Variants in HP1BP3 observed in about 807,000 individuals in gnomAD.
HP1BP3 encodes the protein heterochromatin protein 1-binding protein 3.
Under a neutral mutation model 62.5 loss-of-function variants are expected in HP1BP3, and 12 were observed. The observed-to-expected ratio is 0.19, with a 90% CI of 0.12 to 0.31. The LOEUF is 0.31. Among genes scored for constraint, HP1BP3 ranks in the 10% least tolerant of loss-of-function variants. The pLI is 1.00. For missense variants in HP1BP3, 502 were observed against 651.8 expected (o/e 0.77, Z 2.50); for synonymous variants, 260 against 237.8 (o/e 1.09, Z -0.86).
chr1:20,759,880 A>ATTTT (rs71014104), intron 8 of HP1BP3, among the ~76,000 whole-genome samples: 3,561 of 112,974 alleles, frequency 0.032, 308 homozygotes, highest in African/African-American at 0.11. Flanking sequence ...TTAAAGACCG[A>ATTTT]TTTTTTTTTT....
intron 8 of HP1BP3, among the ~76,000 whole-genome samples, chr1:20,757,544 C>T (rs2056197405): frequency 6.6e-6 from 1 of 151,794 alleles, no homozygotes; most frequent in African/African-American, 2.4e-5. Context: ...GCTAATTTTG[C>T]ATTTTTAGTA....
chr1:20,777,155 A>G (rs2057338837), intron 3 of HP1BP3, among the ~76,000 whole-genome samples: 1 of 152,144 alleles, frequency 6.6e-6, no homozygotes, highest in Admixed American at 6.6e-5. Flanking sequence ...CAAGAGTAGA[A>G]ATATGAGGGG....
At chr1:20,749,954 T>C (rs1456553845) in intron 9 of HP1BP3, 72 bp from the exon 10 acceptor site, 1 of 1,543,448 alleles carries the variant, frequency 6.5e-7, no homozygotes, top group Admixed American at 2.1e-5. Flanking sequence ...AAGACTCCTC[T>C]GCACCAGGTG....
At chr1:20,773,767 T>C in intron 4 of HP1BP3, 157 bp from the exon 5 acceptor site, 3 of 471,608 alleles carry the variant, frequency 6.4e-6, no homozygotes. Context: ...ACAAAATAAA[T>C]CTTCTTTAAA....
rs546916463 is a variant in HP1BP3, at chr1:20,757,560, G to A, written c.891-304C>T. Among the ~76,000 whole-genome samples the A allele has an allele frequency of 5.3e-5, 8 of 151,938 alleles. No individual in the cohort carries two copies. In the South Asian group the frequency reaches 1.0e-3, roughly 20 times the overall value. On this transcript the variant is annotated intron_variant, in intron 8 of 12. Coordinates refer to ENST00000438032, the MANE Select transcript of HP1BP3 (RefSeq NM_001372052.1). ...CTAATTTTGCATTTTTAGTAGAGAC[G>A]GGGTTTCTCCATATTGGTCAGGCTG...
At chr1:20,752,393 C>G (rs942557083) in intron 9 of HP1BP3, among the ~76,000 whole-genome samples, 1 of 151,704 alleles carries the variant, frequency 6.6e-6, no homozygotes, top group Admixed American at 6.6e-5. Context: ...CTCCCGGATT[C>G]CAGCGATTCT....
intron 5 of HP1BP3, among the ~76,000 whole-genome samples, chr1:20,772,143 C>T (rs2057088373): frequency 6.6e-6 from 1 of 152,210 alleles, no homozygotes; most frequent in Non-Finnish European, 1.5e-5. Context: ...TAATCTTTTG[C>T]TCCACCAATC....
At chr1:20,752,427 T>C (rs2055828039) in intron 9 of HP1BP3, among the ~76,000 whole-genome samples, 1 of 151,904 alleles carries the variant, frequency 6.6e-6, no homozygotes, top group Middle Eastern at 3.4e-3. Context: ...CCCGAGTAGC[T>C]GGGACTACAG....
chr1:20,767,713 G>A, intron 6 of HP1BP3, 49 bp from the exon 7 acceptor site: 1 of 1,229,634 alleles, frequency 8.1e-7, no homozygotes. Context: ...CTTTACAGTA[G>A]GCTAAGGAAA....
chr1:20,766,970 CA>C (rs941904649), intron 7 of HP1BP3, among the ~76,000 whole-genome samples: 1 of 151,766 alleles, frequency 6.6e-6, no homozygotes, highest in Non-Finnish European at 1.5e-5. Context: ...AACAAACAAA[CA>C]AAAAAACAGA....
intron 10 of HP1BP3, among the ~76,000 whole-genome samples, chr1:20,748,881 T>A (rs530896513): frequency 6.6e-6 from 1 of 152,230 alleles, no homozygotes; most frequent in African/African-American, 2.4e-5. Context: ...CTTCTAATAG[T>A]TCATTGAGAA....
intron 9 of HP1BP3, chr1:20,755,417 C>CA: frequency 4.4e-6 from 2 of 451,756 alleles, no homozygotes; most frequent in Non-Finnish European, 8.9e-6. Context: ...ACAAAAAATA[C>CA]AAAAATTAAT....
At chr1:20,746,997 G>A (rs2055381193) in intron 11 of HP1BP3, among the ~76,000 whole-genome samples, 1 of 152,172 alleles carries the variant, frequency 6.6e-6, no homozygotes, top group African/African-American at 2.4e-5. Flanking sequence ...CTGGGCGATA[G>A]AGTGAGACCC....
intron 9 of HP1BP3, chr1:20,750,114 CT>C (rs2055616830): frequency 1.4e-6 from 1 of 702,026 alleles, no homozygotes; most frequent in Non-Finnish European, 2.1e-6. Flanking sequence ...TCCATCCACC[CT>C]AAAATAATAG....
At chr1:20,752,874 A>G (rs904958628) in intron 9 of HP1BP3, among the ~76,000 whole-genome samples, 2 of 152,212 alleles carry the variant, frequency 1.3e-5, no homozygotes, top group African/African-American at 2.4e-5. Flanking sequence ...TGTAGACATG[A>G]TGGTATCCAG....
intron 8 of HP1BP3, among the ~76,000 whole-genome samples, chr1:20,764,691 G>GAA (rs745772445): frequency 4.4e-4 from 16 of 36,154 alleles, no homozygotes; most frequent in African/African-American, 1.4e-3. Context: ...TTTGGGTTTG[G>GAA]AAAAAAAAAA....
intron 4 of HP1BP3, 67 bp from the exon 5 acceptor site, chr1:20,773,677 G>A (rs2057163109): frequency 7.1e-6 from 8 of 1,126,738 alleles, no homozygotes; most frequent in South Asian, 2.4e-5. Flanking sequence ...GTCAGAAGGA[G>A]GAAAAGACCA....
intron 11 of HP1BP3, 48 bp from the exon 12 acceptor site, chr1:20,745,704 G>GA: frequency 1.9e-6 from 3 of 1,593,922 alleles, no homozygotes; most frequent in Non-Finnish European, 2.6e-6. Flanking sequence ...TATAAAACAA[G>GA]AAAAATAATG....
chr1:20,756,628 C>A (rs140745422), intron 9 of HP1BP3, among the ~76,000 whole-genome samples: 1 of 152,194 alleles, frequency 6.6e-6, no homozygotes, highest in East Asian at 1.9e-4. Flanking sequence ...AAAAATATGT[C>A]ATTTATGTTA....
Sources: gnomAD v4.1 joint callset for allele counts (sites outside exome capture counted in the v4.1 genomes callset) on GRCh38, gnomAD v4.1.1 for gene constraint, MANE v1.5 for transcripts, NCBI Gene and HGNC (gene_info 2026-07-23, HGNC 2026-07-21) for gene names.